WDR25: variants seen among roughly 807,000 people sequenced by gnomAD.
The protein encoded by WDR25 is WD repeat domain 25, also known as WD repeat-containing protein 25.
A neutral mutation model predicts 47.7 loss-of-function variants in WDR25; 35 were observed. The observed-to-expected ratio is 0.73, with a 90% CI of 0.56 to 0.97. The LOEUF (loss-of-function observed/expected upper bound fraction) is 0.97. Among genes scored for constraint, WDR25 ranks in the 50% least tolerant of loss-of-function variants. WDR25 has a pLI of 0.00. For missense variants in WDR25, 634 were observed against 704.7 expected (o/e 0.90, Z 1.14); for synonymous variants, 248 against 278.9 (o/e 0.89, Z 1.10).
rs1354352316 is a variant in WDR25, at chr14:100,376,584, A to C, written c.-16+89A>C. On this transcript the variant is annotated intron_variant, in intron 1 of 6. Transcript: ENST00000402312. ...CCCGTGCCGCTTAACGCGGTCTCTCATAGCCGCTCGCCTTCCTTTCACTTC... is the reference window on the plus strand; with the variant it reads ...CCCGTGCCGCTTAACGCGGTCTCTCCTAGCCGCTCGCCTTCCTTTCACTTC... The C allele has an allele frequency of 2.4e-6, 3 of 1,231,986 alleles. No individual in the cohort carries two copies. In the African/African-American group the frequency reaches 4.6e-5, roughly 19 times the overall value. The allele number at this position is 1,231,986 out of a possible 1,614,324, so 76.3% of individuals were successfully genotyped here.
intron 4 of WDR25, among the ~76,000 whole-genome samples, chr14:100,508,424 G>C (rs1901189991): frequency 6.6e-6 from 1 of 152,130 alleles, no homozygotes. Context: ...GTCCTAGCCA[G>C]AACAATCAGG....
In WDR25 at chr14:100,502,719, T is replaced by C. The variant is rs1900970797; in HGVS notation, c.1101+18595T>C. On this transcript the variant is annotated intron_variant, in intron 4 of 6. Coordinates refer to ENST00000402312, the MANE Select transcript of WDR25 (RefSeq NM_001161476.3). This position sits in a 1 kb window ranked among gnomAD's most constrained non-coding sequence, Gnocchi z 4.5. ...CAGAGTACATCGTGATGGGAACTGC[T>C]TGGGGGCTAATGAAAGACTCACAGA... Among the ~76,000 whole-genome samples the C allele has an allele frequency of 6.6e-6, 1 of 152,180 alleles. No homozygotes were observed. The highest frequency in any genetic ancestry group is 6.5e-5 in the Admixed American group (1 of 15,278).
chr14:100,427,533 G>A (rs1181437850), intron 2 of WDR25, among the ~76,000 whole-genome samples: 1 of 152,182 alleles, frequency 6.6e-6, no homozygotes, highest in Non-Finnish European at 1.5e-5. Context: ...TCCTGGTGCC[G>A]AGTAGGTGCG....
chr14:100,504,740 CTG>C (rs1397383764), intron 4 of WDR25: 2 of 152,140 alleles, frequency 1.3e-5, no homozygotes, highest in Non-Finnish European at 2.9e-5. Context: ...GGGTAAATAA[CTG>C]AGAGTGGAAT....
intron 4 of WDR25, among the ~76,000 whole-genome samples, chr14:100,489,010 G>C (rs1900477351): frequency 6.6e-6 from 1 of 152,240 alleles, no homozygotes; most frequent in Non-Finnish European, 1.5e-5. Flanking sequence ...GCCTGCAGGA[G>C]CACCCACCTG....
At chr14:100,478,463 T>C (rs997824211) in intron 3 of WDR25, among the ~76,000 whole-genome samples, 3 of 152,242 alleles carry the variant, frequency 2.0e-5, no homozygotes, top group Non-Finnish European at 2.9e-5. Flanking sequence ...CCCTAATTTC[T>C]GAAACAAAGT....
At chr14:100,395,398 G>A (rs773037338) in intron 2 of WDR25, among the ~76,000 whole-genome samples, 8 of 152,190 alleles carry the variant, frequency 5.3e-5, no homozygotes, top group Non-Finnish European at 7.3e-5. Context: ...AGTACCAGGC[G>A]TATGGCAGGC....
At chr14:100,400,713 A>C (rs1897357921) in intron 2 of WDR25, among the ~76,000 whole-genome samples, 1 of 152,236 alleles carries the variant, frequency 6.6e-6, no homozygotes. Flanking sequence ...GTCTTTCTGC[A>C]CTGGGGTCTT....
intron 2 of WDR25, among the ~76,000 whole-genome samples, chr14:100,417,553 AG>A (rs1897903515): frequency 6.6e-6 from 1 of 152,068 alleles, no homozygotes; most frequent in Non-Finnish European, 1.5e-5. Flanking sequence ...TCCAGTTCTG[AG>A]GCTACTGCGA....
chr14:100,384,752 T>G (rs1285616163), intron 2 of WDR25, among the ~76,000 whole-genome samples: 3 of 152,148 alleles, frequency 2.0e-5, no homozygotes, highest in Non-Finnish European at 4.4e-5. Flanking sequence ...AGTACACCCT[T>G]CCCAGGGTGC....
At position 100,515,789 on chromosome 14, in the gene WDR25, CTTTT is replaced by C. The variant is rs11301950; in HGVS notation, c.1102-10064_1102-10061del. Among the ~76,000 whole-genome samples, 959 of 110,316 alleles carry C rather than the reference CTTTT, an allele frequency of 8.7e-3. 8 individuals are homozygous for C. The highest frequency in any genetic ancestry group is 0.03 in the African/African-American group (878 of 29,566). The allele number at this position is 110,316 out of a possible 152,430, so 72.4% of individuals were successfully genotyped here. ...TACAGGCGCATGCCACCACACCTTG[CTTTT>C]TTTTTTTTTTTTTTTTGTATTTTTA... is the stretch of plus-strand genomic sequence containing the variant. On this transcript the variant is annotated intron_variant, in intron 4 of 6. Coordinates refer to ENST00000402312, the MANE Select transcript of WDR25 (RefSeq NM_001161476.3).
rs543590701 is a variant in WDR25 at position 100,434,556 on chromosome 14, T to G, written c.823-33465T>G. On this transcript the variant is annotated intron_variant, in intron 2 of 6. Transcript: ENST00000402312. The stretch of plus-strand genomic sequence containing the variant: ...GCTGCCCCCTTTCAGTGTGGTTATG[T>G]TATTCATTTGAAATACAATTTGGTT... 2.6e-4 allele frequency among the ~76,000 whole-genome samples: 40 copies of G among 152,360 alleles called. 1 individual carries two copies. The highest frequency in any genetic ancestry group is 3.4e-3 in the Middle Eastern group (1 of 294).
In WDR25 at chr14:100,428,056, T is replaced by A. The variant is rs574885510; in HGVS notation, c.823-39965T>A. Among the ~76,000 whole-genome samples, 6 of 152,346 alleles carry A rather than the reference T, an allele frequency of 3.9e-5. No homozygotes were observed. Among genetic ancestry groups the A allele is most frequent in the Non-Finnish European group, 8.8e-5 (6 of 68,012 alleles). ...AGACCCTAACACGCTCCCTTTCCTT[T>A]CCTTTTTGAGGGAAGCCAGGTTCCC... On this transcript the variant is annotated intron_variant, in intron 2 of 6. Transcript: ENST00000402312. The surrounding 1 kb of genome is among the most constrained non-coding windows in gnomAD (Gnocchi z 4.3).
intron 2 of WDR25, among the ~76,000 whole-genome samples, chr14:100,414,713 T>A (rs1897820625): frequency 6.6e-6 from 1 of 152,054 alleles, no homozygotes; most frequent in South Asian, 2.1e-4. Flanking sequence ...CATATGGTAA[T>A]TGTGTATTCA....
chr14:100,462,492 C>G (rs1251788574), intron 2 of WDR25, among the ~76,000 whole-genome samples: 1 of 152,114 alleles, frequency 6.6e-6, no homozygotes, highest in Non-Finnish European at 1.5e-5. Flanking sequence ...CCTCCTTCAC[C>G]CTGGATAGCT....
chr14:100,459,633 C>T (rs940343994), intron 2 of WDR25, among the ~76,000 whole-genome samples: 5 of 151,726 alleles, frequency 3.3e-5, no homozygotes, highest in Non-Finnish European at 5.9e-5. Context: ...TATCTATCTC[C>T]GAATCTCCCC....
rs192418614 is a variant in WDR25, at chr14:100,462,698, C to T, written c.823-5323C>T. Among the ~76,000 whole-genome samples, 61 of 152,284 alleles carry T rather than the reference C, an allele frequency of 4.0e-4. 1 individual carries two copies. The East Asian group carries it at 0.011, about 26-fold the overall frequency. On this transcript the variant is annotated intron_variant, in intron 2 of 6. Transcript: ENST00000402312. ...AGAATTCAAACATTCCAGTTTGCTG[C>T]TTTTGGCCTTGGACTTCATAGAGTT... is the stretch of plus-strand genomic sequence containing the variant.
intron 3 of WDR25, chr14:100,480,987 C>T (rs1371806399): frequency 2.1e-5 from 9 of 430,448 alleles, no homozygotes; most frequent in Non-Finnish European, 4.2e-5. Flanking sequence ...GAAGGGGCCA[C>T]CAAGGAAGAG....
At chr14:100,384,738 C>T (rs1331097389) in intron 2 of WDR25, among the ~76,000 whole-genome samples, 1 of 152,002 alleles carries the variant, frequency 6.6e-6, no homozygotes, top group Non-Finnish European at 1.5e-5. Context: ...GAGGCGGGTG[C>T]AGCAGTACAC....
Sources: gnomAD v4.1 joint callset for allele counts (sites outside exome capture counted in the v4.1 genomes callset) on GRCh38, gnomAD v4.1.1 for gene constraint, Gnocchi (gnomAD v3.1) non-coding constraint, MANE v1.5 for transcripts, NCBI Gene and HGNC (gene_info 2026-07-23, HGNC 2026-07-21) for gene names.